The following CEP44 variants were observed in gnomAD, a reference collection of about 807,000 sequenced individuals.
The protein encoded by CEP44 is centrosomal protein 44.
A neutral mutation model predicts 46.7 loss-of-function variants in CEP44; 45 were observed. The ratio of observed to expected loss-of-function variants is 0.96; its 90% CI spans 0.76 to 1.24. The LOEUF (loss-of-function observed/expected upper bound fraction) is 1.24, where lower values mean the gene tolerates loss of function less well. Ranked by LOEUF, CEP44 falls within the 50% of genes most tolerant of loss-of-function variation. CEP44 has a pLI of 0.00. For missense variants in CEP44, 475 were observed against 459.7 expected, an observed-to-expected ratio of 1.03 and a Z score of -0.30; for synonymous variants, 142 against 146.0, an observed-to-expected ratio of 0.97 and a Z score of 0.20.
chr4:174,320,089 T>A lies in CEP44; in HGVS notation c.*2706T>A, dbSNP rs1045551865. The A allele has an allele frequency of 3.0e-6, 3 of 985,156 alleles. No homozygotes were observed. Among genetic ancestry groups the A allele is most frequent in the Middle Eastern group, 5.2e-4 (1 of 1,932 alleles). The allele number at this position is 985,156 out of a possible 1,614,324, so 61.0% of individuals were successfully genotyped here. ...TGTCAGTTGCTTGTGCTGCCCTGTC[T>A]ATGTTATGCTCTGAATAGGTCTCGG... On this transcript the variant is annotated 3_prime_UTR_variant, in exon 12 of 12. Transcript: ENST00000503780.
At chr4:174,284,294 A>G (rs553351793) in intron 1 of CEP44, 2 of 381,492 alleles carry the variant, frequency 5.2e-6, no homozygotes, top group Non-Finnish European at 9.3e-6. Flanking sequence ...TTGCTTATAT[A>G]CCCAACTAGT....
chr4:174,305,811 T>C (rs759136929), intron 6 of CEP44, among the ~76,000 whole-genome samples: 1 of 152,256 alleles, frequency 6.6e-6, no homozygotes, highest in Non-Finnish European at 1.5e-5. Context: ...TTATTAATTA[T>C]TTATTGATAT....
At chr4:174,328,833 C>G (rs1731157368) in intron 8 of CEP44, among the ~76,000 whole-genome samples, 1 of 152,126 alleles carries the variant, frequency 6.6e-6, no homozygotes, top group South Asian at 2.1e-4. Flanking sequence ...CCTAAATCAT[C>G]CTTTAACAAT....
At position 174,314,550 on chromosome 4, in the gene CEP44, C is replaced by A. The variant is rs1233761078; in HGVS notation, c.962-1616C>A. 6.6e-6 allele frequency among the ~76,000 whole-genome samples: 1 copy of A among 152,168 alleles called. No homozygotes were observed. The highest frequency in any genetic ancestry group is 6.5e-5 in the Admixed American group (1 of 15,280). On this transcript the variant is annotated intron_variant, in intron 9 of 11. Coordinates refer to ENST00000503780, the MANE Select transcript of CEP44 (RefSeq NM_001040157.3). The surrounding 1 kb of genome is among the most constrained non-coding windows in gnomAD (Gnocchi z 4.1). ...GCACACTCTTGAATAAGGTTAGACA[C>A]CGCAAAGTCTGGACCCCAAAATGGA...
At chr4:174,316,348 T>G in intron 10 of CEP44, 58 bp downstream of exon 10, 19 of 1,542,238 alleles carry the variant, frequency 1.2e-5, no homozygotes, top group Non-Finnish European at 1.7e-5. Context: ...AAGCATTAGC[T>G]TTTGTTGTAA....
chr4:174,293,938 C>G (rs1489123680), intron 1 of CEP44, among the ~76,000 whole-genome samples: 2 of 151,478 alleles, frequency 1.3e-5, no homozygotes, highest in African/African-American at 4.9e-5. Context: ...TTTTTGTAGG[C>G]TTTATGGCCA....
chr4:174,294,080 G>C (rs1336561752), intron 1 of CEP44, among the ~76,000 whole-genome samples: 1 of 146,032 alleles, frequency 6.8e-6, no homozygotes, highest in Non-Finnish European at 1.5e-5. Context: ...ATTCTTGGGT[G>C]TTTCTCACAG....
rs368228207 is a variant in CEP44 at position 174,299,185 on chromosome 4, T to C, written c.64T>C (p.Tyr22His). ...NLEQVLRLLNYPEEVDCVGLI... is the reference protein window; with the variant it reads ...NLEQVLRLLNHPEEVDCVGLI... ...AGAACAGGTGCTCCGCTTGCTAAAT[T>C]ATCCTGAAGAGGTGGACTGTGTAGG... Residue 22 changes from tyrosine (Y) to histidine (H), a missense_variant, in exon 3 of 12, where the codon TAT (tyrosine) becomes CAT (histidine). Physicochemically the swap from Tyr to His is moderately conservative, Grantham distance 83 (BLOSUM62 2). Transcript: ENST00000503780. 2 of 1,613,792 alleles carry C rather than the reference T, an allele frequency of 1.2e-6. No individual in the cohort carries two copies. Among genetic ancestry groups the C allele is most frequent in the Non-Finnish European group, 1.7e-6 (2 of 1,179,752 alleles).
In CEP44 at chr4:174,319,751, T is replaced by C. The variant is rs1742134258; in HGVS notation, c.*2368T>C. ...AGGGACTAAAAATCAACTCAATATA[T>C]CATACATTTACACTTACAAAGAGTC... On this transcript the variant is annotated 3_prime_UTR_variant, in exon 12 of 12. Coordinates refer to ENST00000503780, the MANE Select transcript of CEP44 (RefSeq NM_001040157.3). 5 of 913,604 alleles carry C rather than the reference T, an allele frequency of 5.5e-6. No homozygotes were observed. The highest frequency in any genetic ancestry group is 6.5e-6 in the Non-Finnish European group (5 of 764,342). The allele number at this position is 913,604 out of a possible 1,614,324, so 56.6% of individuals were successfully genotyped here. A position where few individuals can be genotyped will look rare whatever the true frequency, so the allele number is the denominator to read the frequency against.
chr4:174,327,206 G>GAA (rs982206714), intron 8 of CEP44, among the ~76,000 whole-genome samples: 3 of 146,020 alleles, frequency 2.1e-5, no homozygotes, highest in African/African-American at 5.0e-5. Flanking sequence ...GAGAGAGAGA[G>GAA]AAAAAACAGA....
intron 1 of CEP44, among the ~76,000 whole-genome samples, chr4:174,292,466 CT>C (rs1191799737): frequency 6.6e-6 from 1 of 152,138 alleles, no homozygotes; most frequent in Non-Finnish European, 1.5e-5. Context: ...TTCTCTCTGT[CT>C]TTTTGCCTTC....
In CEP44 at chr4:174,319,429, T is replaced by A; in HGVS notation, c.*2046T>A. 2 of 981,814 alleles carry A rather than the reference T, an allele frequency of 2.0e-6. No homozygotes were observed. The highest frequency in any genetic ancestry group is 1.7e-5 in the African/African-American group (1 of 57,270). The allele number at this position is 981,814 out of a possible 1,614,324, so 60.8% of individuals were successfully genotyped here. A position where few individuals can be genotyped will look rare whatever the true frequency, so the allele number is the denominator to read the frequency against. ...ACAAGTGATTTCCCATCAAACAGGA[T>A]AATATTTTTTCCCTTTTGAAAAATT... On this transcript the variant is annotated 3_prime_UTR_variant, in exon 12 of 12. Coordinates refer to ENST00000503780, the MANE Select transcript of CEP44 (RefSeq NM_001040157.3).
chr4:174,295,742 T>C (rs1248210830), intron 1 of CEP44, among the ~76,000 whole-genome samples: 1 of 152,248 alleles, frequency 6.6e-6, no homozygotes, highest in Admixed American at 6.5e-5. Flanking sequence ...TCCCGGCACC[T>C]CGGGAGGCCG....
chr4:174,299,945 G>A (rs929403029), intron 3 of CEP44, among the ~76,000 whole-genome samples: 23 of 152,134 alleles, frequency 1.5e-4, no homozygotes, highest in Non-Finnish European at 2.1e-4. Context: ...TTGATGGATT[G>A]GTTAAATGTT....
In CEP44 at chr4:174,290,256, C is replaced by G. The variant is rs961027499; in HGVS notation, c.-148+6313C>G. On this transcript the variant is annotated intron_variant, in intron 1 of 11. Transcript: ENST00000503780. This position sits in a 1 kb window ranked among gnomAD's most constrained non-coding sequence, Gnocchi z 4.3. ...ATACTGTGTTTTTATTATTGTTTGT[C>G]TTGAGATATTTTATAATTTCTGTTT... Among the ~76,000 whole-genome samples, 2 of 151,836 alleles carry G rather than the reference C, an allele frequency of 1.3e-5. No homozygotes were observed. The highest frequency in any genetic ancestry group is 6.6e-5 in the Admixed American group (1 of 15,230).
In CEP44 at chr4:174,286,527, G is replaced by C. The variant is rs1220725607; in HGVS notation, c.-148+2584G>C. On this transcript the variant is annotated intron_variant, in intron 1 of 11. Transcript: ENST00000503780. The surrounding 1 kb of genome is among the most constrained non-coding windows in gnomAD (Gnocchi z 5.2). Reference sequence around the variant, plus strand: ...TTATGTATTACTTTTCTTCTATGAAGTGTCCATGGACAGTTGTGGTAGATG... The same window carrying C: ...TTATGTATTACTTTTCTTCTATGAACTGTCCATGGACAGTTGTGGTAGATG... 6.6e-6 allele frequency among the ~76,000 whole-genome samples: 1 copy of C among 152,196 alleles called. No homozygotes were observed. Among genetic ancestry groups the C allele is most frequent in the African/African-American group, 2.4e-5 (1 of 41,454 alleles).
Position 174,310,259 on chromosome 4 carries a change from T to G in CEP44, c.885+203T>G, listed in dbSNP as rs1486439649. On this transcript the variant is annotated intron_variant, in intron 8 of 11. Transcript: ENST00000503780. This position sits in a 1 kb window ranked among gnomAD's most constrained non-coding sequence, Gnocchi z 4.2. The stretch of plus-strand genomic sequence containing the variant: ...TCTCTCTTCATTGAATAAGATAATC[T>G]GAAAAACTTGTCAGTTGAGCTTTTA... 6.6e-6 allele frequency among the ~76,000 whole-genome samples: 1 copy of G among 152,000 alleles called. No individual in the cohort carries two copies. Among genetic ancestry groups the G allele is most frequent in the Non-Finnish European group, 1.5e-5 (1 of 67,904 alleles).
In CEP44 at chr4:174,286,498, A is replaced by G. The variant is rs1456380845; in HGVS notation, c.-148+2555A>G. On this transcript the variant is annotated intron_variant, in intron 1 of 11. Coordinates refer to ENST00000503780, the MANE Select transcript of CEP44 (RefSeq NM_001040157.3). This position sits in a 1 kb window ranked among gnomAD's most constrained non-coding sequence, Gnocchi z 5.2. ...TCTCAAAGGGTTCATTACTCAAGGT[A>G]TTGTTATGTATTACTTTTCTTCTAT... 6.6e-6 allele frequency among the ~76,000 whole-genome samples: 1 copy of G among 152,158 alleles called. No homozygotes were observed. The highest frequency in any genetic ancestry group is 2.4e-5 in the African/African-American group (1 of 41,424).
chr4:174,310,731 G>T lies in CEP44; in HGVS notation c.886-52G>T, dbSNP rs543216350. ...ATGCTCAGCATTAAGAATATAAAAT[G>T]AGAGGGTTTTTCTTTTTATTTCATT... On this transcript the variant is annotated intron_variant, in intron 8 of 11. Coordinates refer to ENST00000503780, the MANE Select transcript of CEP44 (RefSeq NM_001040157.3). The surrounding 1 kb of genome is among the most constrained non-coding windows in gnomAD (Gnocchi z 4.2). The T allele has an allele frequency of 3.3e-4, 273 of 837,932 alleles. 2 individuals carry two copies. In the South Asian group the frequency reaches 4.1e-3, roughly 12 times the overall value. 51.9% of individuals were successfully genotyped at this position (837,932 alleles called of 1,614,324 possible). A position where few individuals can be genotyped will look rare whatever the true frequency, so the allele number is the denominator to read the frequency against.
Sources: allele counts gnomAD v4.1 joint callset (sites outside exome capture counted in the v4.1 genomes callset), GRCh38; gene constraint gnomAD v4.1.1; non-coding constraint Gnocchi (gnomAD v3.1); transcripts MANE v1.5; gene names NCBI Gene and HGNC (gene_info 2026-07-23, HGNC 2026-07-21).